The following ANKS1B variants were observed in gnomAD, a reference collection of about 807,000 sequenced individuals.
ANKS1B encodes ankyrin repeat and sterile alpha motif domain containing 1B.
ANKS1B carries 36 observed loss-of-function variants against 148.3 expected under a neutral mutation model. The observed-to-expected ratio is 0.24, with a 90% CI of 0.19 to 0.32. The LOEUF (loss-of-function observed/expected upper bound fraction) is 0.32. Ranked by LOEUF, ANKS1B falls within the 10% of genes least tolerant of loss-of-function variation. ANKS1B has a pLI of 1.00. For synonymous variants in ANKS1B, 542 were observed against 560.8 expected (o/e 0.97, Z 0.47); for missense variants, 1,157 against 1,542.6 (o/e 0.75, Z 4.19).
intron 16 of ANKS1B, among the ~76,000 whole-genome samples, chr12:99,078,358 T>C (rs2048516512): frequency 6.6e-6 from 1 of 152,192 alleles, no homozygotes; most frequent in African/African-American, 2.4e-5. Flanking sequence ...ATAAATACAT[T>C]TTAAGAAACT....
chr12:98,901,027 A>AT (rs143923210), intron 17 of ANKS1B, among the ~76,000 whole-genome samples: 2,727 of 151,996 alleles, frequency 0.018, 87 homozygotes, highest in East Asian at 0.13. Context: ...TGCATTTATC[A>AT]TTTTTTTTAG....
intron 26 of ANKS1B, among the ~76,000 whole-genome samples, chr12:98,746,425 G>A (rs1301661152): frequency 1.3e-5 from 2 of 152,140 alleles, no homozygotes; most frequent in African/African-American, 2.4e-5. Flanking sequence ...ACACCTGCAT[G>A]CCTCATGCTC....
chr12:99,214,957 C>T (rs958535414), intron 14 of ANKS1B, among the ~76,000 whole-genome samples: 1 of 152,120 alleles, frequency 6.6e-6, no homozygotes, highest in African/African-American at 2.4e-5. Context: ...TTGCCCCTGT[C>T]CTAGAGATCT....
At chr12:99,670,256 T>C (rs1412814346) in intron 8 of ANKS1B, among the ~76,000 whole-genome samples, 2 of 152,162 alleles carry the variant, frequency 1.3e-5, no homozygotes, top group African/African-American at 4.8e-5. Flanking sequence ...TGCACATTTA[T>C]CACATAAAGT....
chr12:99,971,039 T>C (rs1445595135), intron 1 of ANKS1B, among the ~76,000 whole-genome samples: 1 of 152,206 alleles, frequency 6.6e-6, no homozygotes, highest in African/African-American at 2.4e-5. Flanking sequence ...TTTTTTGTTA[T>C]CACTGTTCTT....
chr12:98,799,065 T>G (rs2098977869), intron 21 of ANKS1B, 60 bp from the exon 22 acceptor site: 8 of 1,240,584 alleles, frequency 6.4e-6, no homozygotes, highest in Non-Finnish European at 4.4e-6. Context: ...AGTAATGTTT[T>G]AAAAACAAAT....
chr12:99,657,661 G>GATATATATATATATATATTTT, intron 8 of ANKS1B, among the ~76,000 whole-genome samples: 1 of 78,598 alleles, frequency 1.3e-5, no homozygotes, highest in African/African-American at 5.2e-5. Flanking sequence ...ATATATATAT[G>GATATATATATATATATATTTT]ATAAAGTTGT....
At chr12:99,874,865 A>G (rs2091909131) in intron 1 of ANKS1B, among the ~76,000 whole-genome samples, 1 of 152,222 alleles carries the variant, frequency 6.6e-6, no homozygotes, top group Non-Finnish European at 1.5e-5. Context: ...TTCAAAATAC[A>G]CATAAAGCAC....
chr12:99,219,236 A>G (rs1196169825), intron 14 of ANKS1B, among the ~76,000 whole-genome samples: 1 of 152,146 alleles, frequency 6.6e-6, no homozygotes, highest in Non-Finnish European at 1.5e-5. Context: ...TACTTTACAA[A>G]ACTTGCAATT....
chr12:98,843,154 A>C (rs2099417334), intron 17 of ANKS1B, among the ~76,000 whole-genome samples: 1 of 152,068 alleles, frequency 6.6e-6, no homozygotes, highest in Admixed American at 6.6e-5. Context: ...TCTGACAAAA[A>C]CTCAGCTTTA....
chr12:99,586,412 G>A (rs2097640694), intron 9 of ANKS1B, among the ~76,000 whole-genome samples: 1 of 152,112 alleles, frequency 6.6e-6, no homozygotes, highest in South Asian at 2.1e-4. Context: ...TCAGCATTTT[G>A]GTCAGAGCCA....
At chr12:99,545,940 T>A (rs2097169284) in intron 9 of ANKS1B, among the ~76,000 whole-genome samples, 1 of 152,030 alleles carries the variant, frequency 6.6e-6, no homozygotes. Context: ...TCACTTTACC[T>A]AAAGATGGAA....
At chr12:99,683,824 C>T (rs201666296) in intron 8 of ANKS1B, among the ~76,000 whole-genome samples, 8 of 118,522 alleles carry the variant, frequency 6.7e-5, no homozygotes, top group Non-Finnish European at 1.7e-5. Context: ...GTTCAACATA[C>T]ACAAATAAAT....
intron 14 of ANKS1B, among the ~76,000 whole-genome samples, chr12:99,159,590 A>G (rs143246615): frequency 5.9e-5 from 9 of 152,328 alleles, no homozygotes; most frequent in African/African-American, 2.2e-4. Flanking sequence ...ATAGTATTCA[A>G]TGGTATATAT....
At chr12:99,070,896 C>T (rs1350176509) in intron 16 of ANKS1B, among the ~76,000 whole-genome samples, 1 of 152,120 alleles carries the variant, frequency 6.6e-6, no homozygotes, top group Non-Finnish European at 1.5e-5. Context: ...AAGTCCTTCC[C>T]TCACGCGATC....
chr12:99,244,424 AC>A lies in ANKS1B; in HGVS notation c.2347-11del. The A allele has an allele frequency of 6.4e-7, 1 of 1,572,740 alleles. No homozygotes were observed. Among genetic ancestry groups the A allele is most frequent in the Non-Finnish European group, 8.7e-7 (1 of 1,154,100 alleles). ...TCATTATTTTGTCAATCTGTAAGAA[AC>A]AAAAACCATTTAAATGGATTGTTAC... On this transcript the variant is annotated splice_polypyrimidine_tract_variant and intron_variant, in intron 13 of 26. Coordinates refer to ENST00000683438, the MANE Select transcript of ANKS1B (RefSeq NM_001352186.2).
chr12:98,761,834 C>G (rs2098411916), intron 25 of ANKS1B, among the ~76,000 whole-genome samples: 1 of 152,132 alleles, frequency 6.6e-6, no homozygotes, highest in South Asian at 2.1e-4. Context: ...GAGGAGGAGG[C>G]CATCCAGGGA....
intron 23 of ANKS1B, chr12:98,781,539 C>A (rs1448967886): frequency 6.9e-6 from 3 of 433,236 alleles, no homozygotes; most frequent in African/African-American, 4.0e-5. Context: ...TCTCCTACTG[C>A]AATTTCAAGT....
At chr12:99,308,747 CT>C (rs2082698820) in intron 12 of ANKS1B, among the ~76,000 whole-genome samples, 1 of 151,682 alleles carries the variant, frequency 6.6e-6, no homozygotes, top group African/African-American at 2.4e-5. Context: ...TGGATATGGT[CT>C]ATGGTATCAT....
Sources: gnomAD v4.1 joint callset for allele counts (sites outside exome capture counted in the v4.1 genomes callset) on GRCh38, gnomAD v4.1.1 for gene constraint, MANE v1.5 for transcripts, NCBI Gene and HGNC (gene_info 2026-07-23, HGNC 2026-07-21) for gene names.